The following PCDHGB1 variants were observed in gnomAD, a reference collection of about 807,000 sequenced individuals.
The protein encoded by PCDHGB1 is protocadherin gamma subfamily B, 1, also known as protocadherin gamma-B1.
A neutral mutation model predicts 56.6 loss-of-function variants in PCDHGB1; 34 were observed. The ratio of observed to expected loss-of-function variants is 0.60; its 90% CI spans 0.46 to 0.80. The LOEUF is 0.80. PCDHGB1 is among the 30% of genes least tolerant of loss of function. The pLI, the probability that PCDHGB1 is intolerant of heterozygous loss-of-function variation, is 0.00. For missense variants in PCDHGB1, 1,278 were observed against 1,204.6 expected, an observed-to-expected ratio of 1.06 and a Z score of -0.90; for synonymous variants, 561 against 505.9, an observed-to-expected ratio of 1.11 and a Z score of -1.46.
chr5:141,457,708 T>C (rs1160977721), intron 1 of PCDHGB1, among the ~76,000 whole-genome samples: 1 of 152,260 alleles, frequency 6.6e-6, no homozygotes, highest in Admixed American at 6.5e-5. Context: ...GATGAAACAC[T>C]GTTCCACAAG....
At chr5:141,362,239 C>G in intron 1 of PCDHGB1, 1 of 1,614,060 alleles carries the variant, frequency 6.2e-7, no homozygotes, top group Non-Finnish European at 8.5e-7. Flanking sequence ...GATCTCAGTG[C>G]TCTTCTTCCT....
chr5:141,422,762 C>A (rs745320796), intron 1 of PCDHGB1: 1 of 1,613,392 alleles, frequency 6.2e-7, no homozygotes, highest in Admixed American at 1.7e-5. Context: ...AACTCCAACA[C>A]TGGTGTTCTC....
chr5:141,431,003 G>T lies in PCDHGB1; in HGVS notation c.2410-63804G>T, dbSNP rs2097334899. ...GCTTTTCGCCCTGAATCCGCGCAGC[G>T]GCAGCTTGGTCACGGCGGGCAGGAT... On this transcript the variant is annotated intron_variant, in intron 1 of 3. Coordinates refer to ENST00000523390, the MANE Select transcript of PCDHGB1 (RefSeq NM_018922.3). This position sits in a 1 kb window ranked among gnomAD's most constrained non-coding sequence, Gnocchi z 4.8. 1.9e-6 allele frequency: 3 copies of T among 1,613,960 alleles called. No homozygotes were observed. The highest frequency in any genetic ancestry group is 2.5e-6 in the Non-Finnish European group (3 of 1,179,982).
At chr5:141,366,360 G>C in intron 1 of PCDHGB1, 4 of 1,614,024 alleles carry the variant, frequency 2.5e-6, no homozygotes, top group Non-Finnish European at 3.4e-6. Flanking sequence ...GACCTAGGCA[G>C]TATCAAGACC....
rs1226558966 is a variant in PCDHGB1, at chr5:141,432,589, G to C, written c.2410-62218G>C. The C allele has an allele frequency of 6.2e-7, 1 of 1,613,916 alleles. No homozygotes were observed. The highest frequency in any genetic ancestry group is 8.5e-7 in the Non-Finnish European group (1 of 1,179,974). The stretch of plus-strand genomic sequence containing the variant: ...CCTGGCTGTCCTACCGTCTGCTCAA[G>C]GCCAGCGAGCCGGGACTCTTCTCGG... On this transcript the variant is annotated intron_variant, in intron 1 of 3. Coordinates refer to ENST00000523390, the MANE Select transcript of PCDHGB1 (RefSeq NM_018922.3). The surrounding 1 kb of genome is among the most constrained non-coding windows in gnomAD (Gnocchi z 6.0).
chr5:141,398,661 C>A, intron 1 of PCDHGB1: 1 of 1,614,018 alleles, frequency 6.2e-7, no homozygotes, highest in Non-Finnish European at 8.5e-7. Context: ...ACCCAAGTTT[C>A]TCATTAATAA....
At chr5:141,362,509 A>T (rs1561527206) in intron 1 of PCDHGB1, 16 of 1,614,038 alleles carry the variant, frequency 9.9e-6, no homozygotes, top group Non-Finnish European at 1.4e-5. Flanking sequence ...ACAAAATACA[A>T]ATCATGGAGC....
chr5:141,440,960 A>C (rs1467379261), intron 1 of PCDHGB1: 2 of 152,248 alleles, frequency 1.3e-5, no homozygotes, highest in Non-Finnish European at 2.9e-5. Flanking sequence ...CAAGGCAGAG[A>C]TCACATATGG....
At chr5:141,464,680 A>G (rs747974832) in intron 1 of PCDHGB1, among the ~76,000 whole-genome samples, 3 of 152,144 alleles carry the variant, frequency 2.0e-5, no homozygotes, top group Non-Finnish European at 4.4e-5. Flanking sequence ...TTTTAATTAA[A>G]ATTTCTCTTA....
chr5:141,399,327 G>C (rs2093787081), intron 1 of PCDHGB1: 2 of 1,613,936 alleles, frequency 1.2e-6, no homozygotes, highest in African/African-American at 1.3e-5. Flanking sequence ...CGTATAAGTT[G>C]GTAACAGATG....
At chr5:141,510,799 C>G in intron 3 of PCDHGB1, 148 bp from the exon 4 acceptor site, 1 of 1,481,460 alleles carries the variant, frequency 6.8e-7, no homozygotes. Context: ...TGAAGAGAGA[C>G]TACCTTGGTG....
At chr5:141,427,132 G>T (rs755992698) in intron 1 of PCDHGB1, 1 of 457,106 alleles carries the variant, frequency 2.2e-6, no homozygotes, top group Non-Finnish European at 4.4e-6. Context: ...AAATCCCTAC[G>T]AGATGATATT....
chr5:141,360,379 G>A (rs1761567357), intron 1 of PCDHGB1: 11 of 1,613,760 alleles, frequency 6.8e-6, no homozygotes, highest in Non-Finnish European at 9.3e-6. Flanking sequence ...CCCAGAAAGC[G>A]GAGACTTACT....
At chr5:141,356,932 G>A (rs1309058064) in intron 1 of PCDHGB1, 1 of 1,614,196 alleles carries the variant, frequency 6.2e-7, no homozygotes, top group African/African-American at 1.3e-5. Flanking sequence ...TGTGGAGCTG[G>A]CACCCCGCTC....
chr5:141,385,404 G>C, intron 1 of PCDHGB1: 1 of 1,482,648 alleles, frequency 6.7e-7, no homozygotes, highest in Non-Finnish European at 8.9e-7. Context: ...CAAATGTTTT[G>C]AAAATAGGGA....
At chr5:141,447,719 C>T (rs1333017511) in intron 1 of PCDHGB1, among the ~76,000 whole-genome samples, 2 of 152,226 alleles carry the variant, frequency 1.3e-5, no homozygotes, top group East Asian at 3.9e-4. Context: ...TACACATTTT[C>T]CAAAACTCAT....
intron 1 of PCDHGB1, chr5:141,393,052 G>T (rs771952632): frequency 6.2e-7 from 1 of 1,613,614 alleles, no homozygotes; most frequent in Non-Finnish European, 8.5e-7. Context: ...CTGAACCCGC[G>T]CAGCGGCAGC....
chr5:141,409,233 G>A, intron 1 of PCDHGB1: 2 of 1,614,008 alleles, frequency 1.2e-6, no homozygotes, highest in Non-Finnish European at 1.7e-6. Flanking sequence ...AACGACAACA[G>A]CCCAGAAATA....
intron 1 of PCDHGB1, chr5:141,394,067 C>T (rs773390718): frequency 1.9e-6 from 3 of 1,613,794 alleles, no homozygotes; most frequent in Admixed American, 3.3e-5. Flanking sequence ...TCTCTATCTA[C>T]AATATCACAG....
Sources: gnomAD v4.1 joint callset for allele counts (sites outside exome capture counted in the v4.1 genomes callset) on GRCh38, gnomAD v4.1.1 for gene constraint, Gnocchi (gnomAD v3.1) non-coding constraint, MANE v1.5 for transcripts, NCBI Gene and HGNC (gene_info 2026-07-23, HGNC 2026-07-21) for gene names.